The following ZSWIM5 variants were observed in gnomAD, a reference collection of about 807,000 sequenced individuals.
ZSWIM5 encodes zinc finger SWIM-type containing 5, also known as zinc finger SWIM domain-containing protein 5.
Under a neutral mutation model 119.6 loss-of-function variants are expected in ZSWIM5, and 55 were observed. The observed-to-expected ratio is 0.46, with a 90% confidence interval of 0.37 to 0.58. The LOEUF is 0.58. Among genes scored for constraint, ZSWIM5 ranks in the 20% least tolerant of loss-of-function variants. ZSWIM5 has a pLI of 0.00. For synonymous variants in ZSWIM5, 537 were observed against 606.9 expected, an observed-to-expected ratio of 0.88 and a Z score of 1.69; for missense variants, 1,193 against 1,512.8, an observed-to-expected ratio of 0.79 and a Z score of 3.51.
intron 1 of ZSWIM5, among the ~76,000 whole-genome samples, chr1:45,182,777 T>C (rs1356463855): frequency 2.6e-5 from 4 of 152,118 alleles, no homozygotes; most frequent in East Asian, 1.9e-4. Context: ...CAAAGAGACT[T>C]AGACTCCCAC....
At chr1:45,069,469 T>C (rs1645208452) in intron 2 of ZSWIM5, among the ~76,000 whole-genome samples, 1 of 152,130 alleles carries the variant, frequency 6.6e-6, no homozygotes, top group Non-Finnish European at 1.5e-5. Context: ...TAGAAAATTT[T>C]GTTCAATTAT....
intron 1 of ZSWIM5, among the ~76,000 whole-genome samples, chr1:45,111,002 T>A (rs1160388805): frequency 6.6e-6 from 1 of 152,188 alleles, no homozygotes; most frequent in Admixed American, 6.5e-5. Flanking sequence ...AAGCTGGGTA[T>A]ACAGGATACT....
intron 1 of ZSWIM5, among the ~76,000 whole-genome samples, chr1:45,141,522 C>T (rs1645727384): frequency 6.6e-6 from 1 of 152,122 alleles, no homozygotes; most frequent in African/African-American, 2.4e-5. Flanking sequence ...GAATTATAGG[C>T]CATAGCAGCC....
At position 45,038,917 on chromosome 1, in the gene ZSWIM5, C is replaced by G. The variant is rs1645002042; in HGVS notation, c.1894+19G>C. ...ACCAACAAGGGCAGTCTTGGTTTGCCTCAGGCTGACCCCTGTACCTGACAT... is the reference window on the plus strand; with the variant it reads ...ACCAACAAGGGCAGTCTTGGTTTGCGTCAGGCTGACCCCTGTACCTGACAT... On this transcript the variant is annotated intron_variant, in intron 8 of 13. Transcript: ENST00000359600. 6.2e-7 allele frequency: 1 copy of G among 1,612,264 alleles called. No individual in the cohort carries two copies.
chr1:45,202,756 G>T (rs1303211281), intron 1 of ZSWIM5, among the ~76,000 whole-genome samples: 1 of 151,890 alleles, frequency 6.6e-6, no homozygotes, highest in African/African-American at 2.4e-5. Context: ...AATCAATTCA[G>T]ATTTTCCTGA....
chr1:45,073,306 G>A (rs1328296539), intron 2 of ZSWIM5, among the ~76,000 whole-genome samples: 1 of 132,472 alleles, frequency 7.5e-6, no homozygotes, highest in East Asian at 2.2e-4. Context: ...TGCCCTGGCT[G>A]GAGTTGCAGT....
At position 45,158,610 on chromosome 1, in the gene ZSWIM5, A is replaced by C. The variant is rs149971893; in HGVS notation, c.595+47146T>G. Among the ~76,000 whole-genome samples the C allele has an allele frequency of 7.2e-3, 1,098 of 152,324 alleles. 5 individuals are homozygous for C. Among genetic ancestry groups the C allele is most frequent in the Non-Finnish European group, 0.01 (692 of 68,026 alleles). ...TTAACTTTTCTGGGCATCTTTTTGC[A>C]TCTGTAAAATAGATATAATAATTAC... On this transcript the variant is annotated intron_variant, in intron 1 of 13. Coordinates refer to ENST00000359600, the MANE Select transcript of ZSWIM5 (RefSeq NM_020883.2).
At chr1:45,167,826 A>G (rs1186783310) in intron 1 of ZSWIM5, among the ~76,000 whole-genome samples, 5 of 152,180 alleles carry the variant, frequency 3.3e-5, no homozygotes, top group Non-Finnish European at 5.9e-5. Flanking sequence ...AGGAAACAAC[A>G]GGTGCTGGAG....
intron 1 of ZSWIM5, among the ~76,000 whole-genome samples, chr1:45,178,463 A>C (rs2149047809): frequency 6.6e-6 from 1 of 152,298 alleles, no homozygotes; most frequent in Admixed American, 6.5e-5. Flanking sequence ...ATGCTACATT[A>C]ATGTTTGGGT....
At chr1:45,076,836 TGTCTTCAA>T (rs1645259017) in intron 2 of ZSWIM5, among the ~76,000 whole-genome samples, 1 of 151,988 alleles carries the variant, frequency 6.6e-6, no homozygotes. Flanking sequence ...TCAAATAGCC[TGTCTTCAA>T]GTTCACTAAT....
At chr1:45,203,498 C>T (rs772776125) in intron 1 of ZSWIM5, among the ~76,000 whole-genome samples, 1 of 151,952 alleles carries the variant, frequency 6.6e-6, no homozygotes, top group Non-Finnish European at 1.5e-5. Context: ...GAGGTTCTAT[C>T]GTTTAGAAAC....
intron 11 of ZSWIM5, among the ~76,000 whole-genome samples, chr1:45,027,492 GTTC>G (rs1644927706): frequency 6.6e-6 from 1 of 152,078 alleles, no homozygotes; most frequent in Non-Finnish European, 1.5e-5. Flanking sequence ...CTGCCTCCTG[GTTC>G]AAGTGATTCT....
At chr1:45,022,308 T>A (rs1040577409) in intron 11 of ZSWIM5, among the ~76,000 whole-genome samples, 2 of 151,756 alleles carry the variant, frequency 1.3e-5, no homozygotes, top group African/African-American at 4.8e-5. Flanking sequence ...TTTTTTGCAT[T>A]TTTAGTAGAG....
At chr1:45,053,962 T>A (rs1295219860) in intron 4 of ZSWIM5, among the ~76,000 whole-genome samples, 2 of 152,086 alleles carry the variant, frequency 1.3e-5, no homozygotes, top group Non-Finnish European at 2.9e-5. Flanking sequence ...GTTATCAGTA[T>A]CCAGAAGCAT....
intron 1 of ZSWIM5, among the ~76,000 whole-genome samples, chr1:45,151,726 G>C (rs1322495611): frequency 6.6e-6 from 1 of 152,116 alleles, no homozygotes; most frequent in Non-Finnish European, 1.5e-5. Flanking sequence ...AAAAGAATGT[G>C]CCAAGACTCG....
chr1:45,047,318 C>T (rs985008007), intron 5 of ZSWIM5, among the ~76,000 whole-genome samples: 2 of 151,442 alleles, frequency 1.3e-5, no homozygotes, highest in African/African-American at 2.4e-5. Flanking sequence ...CATAAGTAAC[C>T]GGTACAAGAG....
chr1:45,064,525 CCTT>C (rs1645172135), intron 2 of ZSWIM5, among the ~76,000 whole-genome samples: 1 of 152,124 alleles, frequency 6.6e-6, no homozygotes, highest in Admixed American at 6.6e-5. Context: ...CAAATATACT[CCTT>C]ATCCTTAAAT....
intron 1 of ZSWIM5, among the ~76,000 whole-genome samples, chr1:45,120,750 G>GT (rs1158490576): frequency 1.3e-5 from 2 of 151,414 alleles, no homozygotes; most frequent in Admixed American, 6.6e-5. Context: ...TGCTGGGATT[G>GT]TAAGTGTGAG....
chr1:45,061,504 G>A (rs1405209882), intron 2 of ZSWIM5, among the ~76,000 whole-genome samples: 5 of 151,696 alleles, frequency 3.3e-5, no homozygotes, highest in Admixed American at 6.6e-5. Context: ...CCAAGTAGCT[G>A]GGATTTCAGG....
Sources: allele counts gnomAD v4.1 joint callset (sites outside exome capture counted in the v4.1 genomes callset), GRCh38; gene constraint gnomAD v4.1.1; transcripts MANE v1.5; gene names NCBI Gene and HGNC (gene_info 2026-07-23, HGNC 2026-07-21).